PLA2G4E: variants seen among roughly 807,000 people sequenced by gnomAD.
PLA2G4E encodes the protein phospholipase A2 group IVE.
A neutral mutation model predicts 109.1 loss-of-function variants in PLA2G4E; 84 were observed. That is an observed-to-expected ratio of 0.77 (90% CI 0.65 to 0.92). PLA2G4E has a LOEUF of 0.92. Ranked by LOEUF, PLA2G4E falls within the 40% of genes least tolerant of loss-of-function variation. PLA2G4E has a pLI of 0.00. For synonymous variants in PLA2G4E, 469 were observed against 436.1 expected, an observed-to-expected ratio of 1.08 and a Z score of -0.94; for missense variants, 1,057 against 1,076.6, an observed-to-expected ratio of 0.98 and a Z score of 0.25.
intron 7 of PLA2G4E, among the ~76,000 whole-genome samples, chr15:42,000,749 A>C (rs1259355553): frequency 6.6e-6 from 1 of 152,190 alleles, no homozygotes; most frequent in African/African-American, 2.4e-5. Context: ...GGTCTCTGCC[A>C]GCTATAAAGT....
chr15:41,984,411 G>C, intron 19 of PLA2G4E, 25 bp downstream of exon 19: 1 of 1,594,330 alleles, frequency 6.3e-7, no homozygotes, highest in African/African-American at 1.3e-5. Context: ...GCAGGTGCTG[G>C]GAACTGAGCA....
chr15:42,045,723 C>T (rs1889403149), intron 1 of PLA2G4E, among the ~76,000 whole-genome samples: 2 of 152,184 alleles, frequency 1.3e-5, no homozygotes, highest in South Asian at 2.1e-4. Flanking sequence ...AGAGCACAGA[C>T]TTCTTCCCCT....
intron 4 of PLA2G4E, among the ~76,000 whole-genome samples, chr15:42,005,766 G>T (rs372755002): frequency 2.1e-4 from 32 of 152,338 alleles, no homozygotes; most frequent in East Asian, 1.3e-3. Flanking sequence ...TGTGTGGTAG[G>T]TATTATGATC....
At chr15:41,984,714 C>G (rs2068113061) in intron 18 of PLA2G4E, 95 bp from the exon 19 acceptor site, 1 of 1,197,320 alleles carries the variant, frequency 8.4e-7, no homozygotes, top group Admixed American at 2.8e-5. Flanking sequence ...ATTTCCCCAG[C>G]TAACAACTCA....
intron 14 of PLA2G4E, 47 bp from the exon 15 acceptor site, chr15:41,989,599 C>A: frequency 6.3e-7 from 1 of 1,579,488 alleles, no homozygotes; most frequent in Non-Finnish European, 8.6e-7. Flanking sequence ...GCCAGGGAGC[C>A]GTCCACACAG....
chr15:42,001,779 C>A (rs2068422467), intron 6 of PLA2G4E, among the ~76,000 whole-genome samples: 1 of 152,172 alleles, frequency 6.6e-6, no homozygotes, highest in Non-Finnish European at 1.5e-5. Context: ...GCAGCCTTGA[C>A]CTCCTGGGCT....
chr15:42,013,440 C>A (rs1031642438), intron 2 of PLA2G4E, among the ~76,000 whole-genome samples: 3 of 152,156 alleles, frequency 2.0e-5, no homozygotes, highest in Non-Finnish European at 4.4e-5. Context: ...GGGCAGGTAG[C>A]GCCGAGGGAA....
At chr15:42,036,065 C>T (rs1368239906) in intron 1 of PLA2G4E, among the ~76,000 whole-genome samples, 1 of 152,222 alleles carries the variant, frequency 6.6e-6, no homozygotes, top group Admixed American at 6.5e-5. Flanking sequence ...ATGGTTCATT[C>T]ATTTTCACAG....
intron 1 of PLA2G4E, among the ~76,000 whole-genome samples, chr15:42,041,839 T>C (rs1053436997): frequency 5.9e-5 from 9 of 152,308 alleles, no homozygotes; most frequent in Admixed American, 5.9e-4. Context: ...TGAGGGACCC[T>C]CCTCATTGCT....
At chr15:41,992,804 T>C (rs2068273421) in exon 13 of PLA2G4E, 3 of 1,613,790 alleles carry the variant, frequency 1.9e-6, no homozygotes, top group Non-Finnish European at 2.5e-6. Context: ...GTAGCCTTCC[T>C]GGCTGCGCTG....
At chr15:41,987,227 A>G in exon 17 of PLA2G4E, 1 of 1,614,036 alleles carries the variant, frequency 6.2e-7, no homozygotes, top group Non-Finnish European at 8.5e-7. Context: ...GCTGCAGCCC[A>G]GACAGGAAGT....
intron 1 of PLA2G4E, among the ~76,000 whole-genome samples, chr15:42,022,508 C>T (rs143947712): frequency 1.3e-5 from 2 of 151,926 alleles, no homozygotes; most frequent in African/African-American, 4.8e-5. Context: ...GCTTGTTTTC[C>T]TGCAACTAGA....
exon 20 of PLA2G4E, chr15:41,983,547 A>G (rs2141018148): frequency 1.7e-6 from 1 of 587,414 alleles, no homozygotes; most frequent in Non-Finnish European, 3.0e-6. Context: ...TCTAGTGGGT[A>G]TAAAACCCCA....
chr15:42,013,851 G>A, intron 1 of PLA2G4E, 94 bp from the exon 2 acceptor site: 2 of 915,248 alleles, frequency 2.2e-6, no homozygotes, highest in Non-Finnish European at 1.6e-6. Flanking sequence ...CCTCAGGCCG[G>A]CCCAGTTGCA....
chr15:41,987,576 A>G (rs1213836125), intron 16 of PLA2G4E, among the ~76,000 whole-genome samples: 1 of 152,138 alleles, frequency 6.6e-6, no homozygotes, highest in African/African-American at 2.4e-5. Context: ...GAGAGGTAGT[A>G]GAGAGGGAGG....
chr15:42,011,312 G>T (rs1024958540), intron 2 of PLA2G4E, among the ~76,000 whole-genome samples: 1 of 152,262 alleles, frequency 6.6e-6, no homozygotes, highest in African/African-American at 2.4e-5. Flanking sequence ...GACAGGTGTG[G>T]CAGGAAGAAG....
At chr15:42,011,365 G>C (rs2068533737) in intron 2 of PLA2G4E, among the ~76,000 whole-genome samples, 1 of 152,252 alleles carries the variant, frequency 6.6e-6, no homozygotes, top group Non-Finnish European at 1.5e-5. Context: ...TGAGCATGCA[G>C]GTGCAGGCAT....
chr15:41,998,867 A>G (rs962909284), intron 10 of PLA2G4E: 2 of 152,372 alleles, frequency 1.3e-5, no homozygotes, highest in East Asian at 3.9e-4. Context: ...CAGCTGGCCA[A>G]TACGGTGAAA....
In PLA2G4E at chr15:42,026,265, C is replaced by T. The variant is rs553956601; in HGVS notation, c.184-12508G>A. Among the ~76,000 whole-genome samples the T allele has an allele frequency of 1.8e-4, 27 of 152,264 alleles. No individual in the cohort carries two copies. The East Asian group carries it at 4.6e-3, about 26-fold the overall frequency. On this transcript the variant is annotated intron_variant, in intron 1 of 19. Transcript: ENST00000399518. ...TGGAGGGAACAGAGACAGACCCCTGCTTTTCAAGGGAACTTAATATATGAT... is the reference window on the plus strand; with the variant it reads ...TGGAGGGAACAGAGACAGACCCCTGTTTTTCAAGGGAACTTAATATATGAT...
Sources: allele counts gnomAD v4.1 joint callset (sites outside exome capture counted in the v4.1 genomes callset), GRCh38; gene constraint gnomAD v4.1.1; transcripts MANE v1.5; gene names NCBI Gene and HGNC (gene_info 2026-07-23, HGNC 2026-07-21).